XIRP2: variants seen among roughly 807,000 people sequenced by gnomAD.
XIRP2 encodes xin actin-binding repeat-containing protein 2.
A neutral mutation model predicts 277.0 loss-of-function variants in XIRP2; 236 were observed. The observed-to-expected ratio is 0.85, with a 90% confidence interval of 0.77 to 0.95. The LOEUF is 0.95. Among genes scored for constraint, XIRP2 ranks in the 40% least tolerant of loss-of-function variants. The probability of loss-of-function intolerance (pLI) is 0.00; values close to 1 mark genes in which losing one functional copy is unlikely to be tolerated. For synonymous variants in XIRP2, 1,490 were observed against 1,416.5 expected, an observed-to-expected ratio of 1.05 and a Z score of -1.17; for missense variants, 4,640 against 4,157.5, an observed-to-expected ratio of 1.12 and a Z score of -3.19.
intron 3 of XIRP2, among the ~76,000 whole-genome samples, chr2:167,175,957 C>T (rs1365884651): frequency 1.3e-5 from 2 of 152,160 alleles, no homozygotes; most frequent in Admixed American, 6.5e-5. Flanking sequence ...TAATGGTGGA[C>T]GTCCCTTCCC....
chr2:166,986,714 A>C lies in XIRP2; in HGVS notation c.408+82824A>C, dbSNP rs1396437267. Among the ~76,000 whole-genome samples, 3 of 152,244 alleles carry C rather than the reference A, an allele frequency of 2.0e-5. No homozygotes were observed. The East Asian group carries it at 5.8e-4, about 29-fold the overall frequency. ...CTGGTCATGAGAAATGATCCTGTTA[A>C]ATGTTTATCAGGGATCTTTGTATTG... is the stretch of plus-strand genomic sequence containing the variant. On this transcript the variant is annotated intron_variant, in intron 2 of 10. Coordinates refer to ENST00000409195, the MANE Select transcript of XIRP2 (RefSeq NM_152381.6).
chr2:167,064,808 A>G (rs1689262097), intron 2 of XIRP2, among the ~76,000 whole-genome samples: 1 of 152,008 alleles, frequency 6.6e-6, no homozygotes, highest in African/African-American at 2.4e-5. Flanking sequence ...TCCCAGGTTC[A>G]TTCATGGTGT....
intron 3 of XIRP2, among the ~76,000 whole-genome samples, chr2:167,164,411 A>C (rs1692463435): frequency 7.1e-6 from 1 of 141,008 alleles, no homozygotes; most frequent in African/African-American, 2.7e-5. Flanking sequence ...GCGCCACTGC[A>C]GTCCAGCCTG....
At position 167,242,912 on chromosome 2, in the gene XIRP2, CTGAGT is replaced by C. The variant is rs1406251780; in HGVS notation, c.1522_1526del (p.Glu508LysfsTer11). 6.2e-7 allele frequency: 1 copy of C among 1,613,670 alleles called. No individual in the cohort carries two copies. ...AACCGTTTATATAAACACATCCATC[CTGAGT>C]TAAGAAAAAACTTAGAAAAAGATTA... On this transcript the variant is annotated frameshift_variant, in exon 9 of 11. Coordinates refer to ENST00000409195, the MANE Select transcript of XIRP2 (RefSeq NM_152381.6). LOFTEE classifies it high-confidence loss of function.
intron 3 of XIRP2, among the ~76,000 whole-genome samples, chr2:167,159,017 G>A (rs1254442702): frequency 6.6e-6 from 1 of 152,130 alleles, no homozygotes; most frequent in Non-Finnish European, 1.5e-5. Context: ...CTGGAAATAG[G>A]CCCCTTCCTC....
intron 2 of XIRP2, among the ~76,000 whole-genome samples, chr2:167,094,800 G>A (rs574967719): frequency 6.6e-6 from 1 of 152,284 alleles, no homozygotes; most frequent in East Asian, 1.9e-4. Flanking sequence ...GGCAATGCGG[G>A]CTCTTTTTTG....
chr2:167,093,145 A>C (rs1234256137), intron 2 of XIRP2, among the ~76,000 whole-genome samples: 1 of 152,012 alleles, frequency 6.6e-6, no homozygotes, highest in Non-Finnish European at 1.5e-5. Flanking sequence ...TGTTACACAT[A>C]ATAGATGCGT....
chr2:167,093,096 A>T (rs184839696), intron 2 of XIRP2, among the ~76,000 whole-genome samples: 1 of 152,206 alleles, frequency 6.6e-6, no homozygotes, highest in Non-Finnish European at 1.5e-5. Context: ...CAAAAGTTTC[A>T]ATTCAAAGTT....
chr2:167,208,565 C>G (rs189322142), intron 3 of XIRP2, among the ~76,000 whole-genome samples: 3 of 152,154 alleles, frequency 2.0e-5, no homozygotes, highest in African/African-American at 7.2e-5. Context: ...GTCTCGGCCT[C>G]CCAGAGTGCT....
At chr2:167,031,727 C>T (rs1490888307) in intron 2 of XIRP2, among the ~76,000 whole-genome samples, 2 of 151,990 alleles carry the variant, frequency 1.3e-5, no homozygotes, top group Non-Finnish European at 2.9e-5. Flanking sequence ...AATAAAATAC[C>T]TAGGAGTATA....
intron 2 of XIRP2, among the ~76,000 whole-genome samples, chr2:167,021,684 G>T (rs535794982): frequency 6.6e-6 from 1 of 151,984 alleles, no homozygotes; most frequent in African/African-American, 2.4e-5. Flanking sequence ...AATTAGGCCA[G>T]TGTGACGGGG....
chr2:167,019,012 C>T (rs1336929668), intron 2 of XIRP2, among the ~76,000 whole-genome samples: 1 of 151,834 alleles, frequency 6.6e-6, no homozygotes, highest in Non-Finnish European at 1.5e-5. Context: ...ATAGTTATTG[C>T]TGAGCAAGAG....
At chr2:167,221,201 G>A (rs1004907120) in intron 5 of XIRP2, among the ~76,000 whole-genome samples, 3 of 152,038 alleles carry the variant, frequency 2.0e-5, no homozygotes, top group Admixed American at 6.6e-5. Context: ...GGCCAGGTGC[G>A]GTGTCTCATG....
intron 2 of XIRP2, among the ~76,000 whole-genome samples, chr2:166,948,553 C>A (rs1685944266): frequency 6.6e-6 from 1 of 151,974 alleles, no homozygotes; most frequent in African/African-American, 2.4e-5. Flanking sequence ...TCTTTGTGGG[C>A]TAAGAATTAT....
chr2:167,216,051 A>G (rs1694239200), intron 4 of XIRP2, among the ~76,000 whole-genome samples: 1 of 147,172 alleles, frequency 6.8e-6, no homozygotes, highest in Non-Finnish European at 1.5e-5. Context: ...CTATTTAATA[A>G]ATGGTGCTGG....
intron 3 of XIRP2, among the ~76,000 whole-genome samples, chr2:167,161,039 A>G (rs901653247): frequency 1.3e-5 from 2 of 152,196 alleles, no homozygotes; most frequent in African/African-American, 4.8e-5. Flanking sequence ...CAGGGCAGTC[A>G]AGTCTTAAAG....
chr2:166,953,800 C>G (rs1417406500), intron 2 of XIRP2, among the ~76,000 whole-genome samples: 2 of 151,872 alleles, frequency 1.3e-5, no homozygotes, highest in Non-Finnish European at 1.5e-5. Context: ...TATTTAGTCT[C>G]TCTAACATCT....
intron 3 of XIRP2, chr2:167,187,283 A>G (rs1573941874): frequency 2.0e-6 from 2 of 985,376 alleles, no homozygotes; most frequent in African/African-American, 3.5e-5. Context: ...GGCCCCACCT[A>G]TACAGAGCTC....
intron 2 of XIRP2, among the ~76,000 whole-genome samples, chr2:167,108,558 A>G (rs1048128219): frequency 3.9e-5 from 6 of 152,018 alleles, no homozygotes; most frequent in Non-Finnish European, 8.8e-5. Flanking sequence ...TTTCAGTTGA[A>G]TGTATTTTTT....
Sources: gnomAD v4.1 joint callset for allele counts (sites outside exome capture counted in the v4.1 genomes callset) on GRCh38, gnomAD v4.1.1 for gene constraint, MANE v1.5 for transcripts, NCBI Gene and HGNC (gene_info 2026-07-23, HGNC 2026-07-21) for gene names.